The following RNF123 variants were observed in gnomAD, a reference collection of about 807,000 sequenced individuals.
RNF123 encodes the protein ring finger protein 123.
A neutral mutation model predicts 168.5 loss-of-function variants in RNF123; 86 were observed. The observed-to-expected ratio is 0.51, with a 90% CI of 0.43 to 0.61. RNF123 has a LOEUF of 0.61. RNF123 is among the 20% of genes least tolerant of loss of function. RNF123 has a pLI of 0.00. For missense variants in RNF123, 1,419 were observed against 1,729.7 expected (o/e 0.82, Z 3.19); for synonymous variants, 666 against 689.1 (o/e 0.97, Z 0.52).
rs377254073 is a variant in RNF123 at position 49,705,111 on chromosome 3, G to A, written c.2087G>A (p.Arg696Gln). 45 of 1,610,248 alleles carry A rather than the reference G, an allele frequency of 2.8e-5. No individual in the cohort carries two copies. The highest frequency in any genetic ancestry group is 1.3e-4 in the Admixed American group (8 of 59,538). The part of the protein sequence containing the change: ...STAAVSLMTP[R>Q]RPLSTSEKVK... ...GCGGCTGTGAGCCTCATGACCCCAC[G>A]GCGGCCTCTGAGCACCTCGGAGAAA... The change falls in exon 23 of 39, where the codon CGG becomes CAG. Residue 696 changes from arginine (R) to glutamine (Q), a missense_variant. This residue lies in a region of RNF123 where 538 missense variants were observed against 708.8 expected (regional missense o/e 0.76). Transcript: ENST00000327697.
At chr3:49,694,838 C>T (rs1335215501) in intron 3 of RNF123, among the ~76,000 whole-genome samples, 2 of 150,860 alleles carry the variant, frequency 1.3e-5, no homozygotes, top group Non-Finnish European at 3.0e-5. Context: ...TCATGTGATA[C>T]CAGAGATGGT....
At position 49,695,537 on chromosome 3, in the gene RNF123, G is replaced by A. The variant is rs562705810; in HGVS notation, c.168-1606G>A. On this transcript the variant is annotated intron_variant, in intron 3 of 38. Coordinates refer to ENST00000327697, the MANE Select transcript of RNF123 (RefSeq NM_022064.5). Reference sequence around the variant, plus strand: ...CCACCTGGCCTTGGCCTGGGACAGAGCAGCAGTGGGGAGGGGCCTTTGTGC... The same window carrying A: ...CCACCTGGCCTTGGCCTGGGACAGAACAGCAGTGGGGAGGGGCCTTTGTGC... 3.9e-5 allele frequency among the ~76,000 whole-genome samples: 6 copies of A among 152,364 alleles called. No homozygotes were observed. In the East Asian group the frequency reaches 1.2e-3, roughly 29 times the overall value.
In RNF123 at chr3:49,702,634, A is replaced by G. The variant is rs376203503; in HGVS notation, c.1631A>G (p.Asn544Ser). ...FLQENASGRGNMPMLCPPEYM... is the reference protein window; with the variant it reads ...FLQENASGRGSMPMLCPPEYM... ...ATGTTTCATGCCTGGTGTCCACAGA[A>G]CATGCCCATGCTCTGCCCCCCTGAG... Residue 544 changes from asparagine (N) to serine (S), a missense_variant and splice_region_variant, in exon 20 of 39, where the codon AAC becomes AGC. Physicochemically the swap from Asn to Ser is conservative, Grantham distance 46. Transcript: ENST00000327697. 8 of 1,614,112 alleles carry G rather than the reference A, an allele frequency of 5.0e-6. No homozygotes were observed. The highest frequency in any genetic ancestry group is 6.8e-6 in the Non-Finnish European group (8 of 1,180,032).
In RNF123 at chr3:49,700,641, T is replaced by C. The variant is rs751218312; in HGVS notation, c.1209T>C (p.His403=). Residue 403 remains histidine, a synonymous_variant, in exon 15 of 39, where the codon CAT becomes CAC. Coordinates refer to ENST00000327697, the MANE Select transcript of RNF123 (RefSeq NM_022064.5). ...TGAACGCCCCCTCTCCACAGATCCATTACCTGCGGCTCACTATCGCCATCC... is the reference window on the plus strand; with the variant it reads ...TGAACGCCCCCTCTCCACAGATCCACTACCTGCGGCTCACTATCGCCATCC... ...PIVPDLGLQI[H]YLRLTIAILR... 10 of 1,614,188 alleles carry C rather than the reference T, an allele frequency of 6.2e-6. No homozygotes were observed. Among genetic ancestry groups the C allele is most frequent in the Non-Finnish European group, 8.5e-6 (10 of 1,180,042 alleles).
In RNF123 at chr3:49,721,044, C is replaced by T. The variant is rs1338282138; in HGVS notation, c.3763C>T (p.Pro1255Ser). The change falls in exon 38 of 39, where the codon CCC (proline) becomes TCC (serine). Residue 1255 changes from proline to serine, a missense_variant. Pro to Ser is a moderately conservative substitution (Grantham distance 74). This residue lies in a region of RNF123 where 50 missense variants were observed against 77.2 expected (regional missense o/e 0.65). Coordinates refer to ENST00000327697, the MANE Select transcript of RNF123 (RefSeq NM_022064.5). ...SLPTSEEDLC[P>S]ICYAHPISAV... ...GCCCACCAGTGAGGAGGACCTCTGC[C>T]CCATCTGCTATGCCCACCCCATCTC... 4.3e-6 allele frequency: 7 copies of T among 1,613,274 alleles called. No individual in the cohort carries two copies. The highest frequency in any genetic ancestry group is 1.1e-5 in the South Asian group (1 of 90,982).
At chr3:49,719,560 G>A in intron 35 of RNF123, 1 of 1,115,766 alleles carries the variant, frequency 9.0e-7, no homozygotes, top group South Asian at 1.5e-5. Context: ...GGGTGGCACC[G>A]GATGGCCCTT....
At chr3:49,707,143 C>T (rs1482816658) in intron 26 of RNF123, among the ~76,000 whole-genome samples, 1 of 152,124 alleles carries the variant, frequency 6.6e-6, no homozygotes, top group Non-Finnish European at 1.5e-5. Flanking sequence ...GGAACAAACT[C>T]TGTCTGTCTG....
chr3:49,713,979 C>T lies in RNF123; in HGVS notation c.2907C>T (p.Ile969=). 1.2e-6 allele frequency: 2 copies of T among 1,614,096 alleles called. No homozygotes were observed. The highest frequency in any genetic ancestry group is 1.7e-5 in the Admixed American group (1 of 60,032). Residue 969 remains isoleucine, a synonymous_variant, in exon 30 of 39, where the codon ATC becomes ATT. Transcript: ENST00000327697. The part of the protein sequence containing the change: ...EQRPWAQTNW[I]LVRLWRGCGF... ...GGCCCTGGGCCCAGACCAACTGGATCCTGGTGCGGCTCTGGAGGGTAAGCC... is the reference window on the plus strand; with the variant it reads ...GGCCCTGGGCCCAGACCAACTGGATTCTGGTGCGGCTCTGGAGGGTAAGCC...
intron 5 of RNF123, 104 bp from the exon 6 acceptor site, chr3:49,697,781 G>GCAAATACCAC: frequency 7.0e-7 from 1 of 1,423,232 alleles, no homozygotes; most frequent in South Asian, 1.2e-5. Flanking sequence ...GCCGCCACAG[G>GCAAATACCAC]CAAATACCAC....
chr3:49,713,948 A>G lies in RNF123; in HGVS notation c.2876A>G (p.Glu959Gly), dbSNP rs757185839. 13 of 1,613,984 alleles carry G rather than the reference A, an allele frequency of 8.1e-6. No individual in the cohort carries two copies. Among genetic ancestry groups the G allele is most frequent in the Non-Finnish European group, 1.1e-5 (13 of 1,179,974 alleles). The change falls in exon 30 of 39, where the codon GAG becomes GGG. Residue 959 changes from glutamate to glycine, a missense_variant. Coordinates refer to ENST00000327697, the MANE Select transcript of RNF123 (RefSeq NM_022064.5). The stretch of plus-strand genomic sequence containing the variant: ...GTGAGGAACCTCCTGGCGCCCTATG[A>G]GCAGCGGCCCTGGGCCCAGACCAAC... ...AMVRNLLAPYEQRPWAQTNWI... is the reference protein window; with the variant it reads ...AMVRNLLAPYGQRPWAQTNWI...
chr3:49,706,937 G>A (rs373111628), intron 26 of RNF123, 39 bp downstream of exon 26: 5 of 1,565,826 alleles, frequency 3.2e-6, no homozygotes, highest in South Asian at 1.1e-5. Context: ...CGACCTCACT[G>A]TCTGGCCACG....
chr3:49,721,126 G>T, intron 38 of RNF123, 21 bp downstream of exon 38: 1 of 1,613,974 alleles, frequency 6.2e-7, no homozygotes, highest in South Asian at 1.1e-5. Context: ...CCCACAGCTT[G>T]GTGGTGGGGA....
chr3:49,698,239 A>G lies in RNF123; in HGVS notation c.483+102A>G, dbSNP rs2054307446. On this transcript the variant is annotated intron_variant, in intron 7 of 38. Coordinates refer to ENST00000327697, the MANE Select transcript of RNF123 (RefSeq NM_022064.5). ...TCCCCTCAGAACTGCCTAGGACCCTAACTAACCTGGACTGCCCTCTGGAGA... is the reference window on the plus strand; with the variant it reads ...TCCCCTCAGAACTGCCTAGGACCCTGACTAACCTGGACTGCCCTCTGGAGA... 4 of 1,139,694 alleles carry G rather than the reference A, an allele frequency of 3.5e-6. No individual in the cohort carries two copies. The South Asian group carries it at 5.5e-5, about 16-fold the overall frequency. The allele number at this position is 1,139,694 out of a possible 1,614,324, so 70.6% of individuals were successfully genotyped here. A position where few individuals can be genotyped will look rare whatever the true frequency, so the allele number is the denominator to read the frequency against.
rs1429135436 is a variant in RNF123 at position 49,699,276 on chromosome 3, T to C, written c.764+171T>C. Among the ~76,000 whole-genome samples the C allele has an allele frequency of 2.6e-5, 4 of 151,928 alleles. No homozygotes were observed. Among genetic ancestry groups the C allele is most frequent in the Non-Finnish European group, 4.4e-5 (3 of 67,938 alleles). ...AAAACTTTCCTCGCAGCAGCCTGGTTGGTTGGGTGCCCTTGTCTCCACTGA... is the reference window on the plus strand; with the variant it reads ...AAAACTTTCCTCGCAGCAGCCTGGTCGGTTGGGTGCCCTTGTCTCCACTGA... On this transcript the variant is annotated intron_variant, in intron 10 of 38. Coordinates refer to ENST00000327697, the MANE Select transcript of RNF123 (RefSeq NM_022064.5). The surrounding 1 kb of genome is among the most constrained non-coding windows in gnomAD (Gnocchi z 4.8).
chr3:49,691,354 T>C (rs2108171644), intron 2 of RNF123, 71 bp from the exon 3 acceptor site: 1 of 1,599,212 alleles, frequency 6.3e-7, no homozygotes, highest in East Asian at 2.2e-5. Flanking sequence ...ACCAGAAGTC[T>C]CTGGGGCCAG....
In RNF123 at chr3:49,715,813, G is replaced by A; in HGVS notation, c.3151-9G>A. On this transcript the variant is annotated splice_polypyrimidine_tract_variant and intron_variant, in intron 32 of 38. Coordinates refer to ENST00000327697, the MANE Select transcript of RNF123 (RefSeq NM_022064.5). ...CTGACCACTGCATGCCCACGTGTTG[G>A]TGGCTCAGATCCAGCAGGCTGCTGA... 3.1e-6 allele frequency: 5 copies of A among 1,613,976 alleles called. No individual in the cohort carries two copies. Among genetic ancestry groups the A allele is most frequent in the Non-Finnish European group, 4.2e-6 (5 of 1,179,926 alleles).
chr3:49,701,861 G>T lies in RNF123; in HGVS notation c.1446G>T (p.Arg482=), dbSNP rs757328104. 1.9e-6 allele frequency: 3 copies of T among 1,570,850 alleles called. No homozygotes were observed. The highest frequency in any genetic ancestry group is 2.6e-6 in the Non-Finnish European group (3 of 1,158,592). Residue 482 remains arginine, a synonymous_variant, in exon 17 of 39, where the codon CGG becomes CGT. Transcript: ENST00000327697. The part of the protein sequence containing the change: ...MKEETAEERL[R]RRAYERGCQR... ...AGGAGACCGCAGAGGAGCGGCTGCGGCGGCGAGCCTACGAACGGGGCTGTC... is the reference window on the plus strand; with the variant it reads ...AGGAGACCGCAGAGGAGCGGCTGCGTCGGCGAGCCTACGAACGGGGCTGTC...
chr3:49,705,206 A>G, intron 23 of RNF123, 24 bp downstream of exon 23: 1 of 1,576,902 alleles, frequency 6.3e-7, no homozygotes, highest in Non-Finnish European at 8.6e-7. Flanking sequence ...GGGGTCAGGC[A>G]GGTCCCCGAA....
chr3:49,701,349 G>A, intron 15 of RNF123, 142 bp from the exon 16 acceptor site: 1 of 705,640 alleles, frequency 1.4e-6, no homozygotes, highest in Non-Finnish European at 2.5e-6. Flanking sequence ...TGCCCTGGGG[G>A]TCAGACACAT....
Sources: allele counts gnomAD v4.1 joint callset (sites outside exome capture counted in the v4.1 genomes callset), GRCh38; gene constraint gnomAD v4.1.1; regional missense constraint gnomAD v4.1.1; non-coding constraint Gnocchi (gnomAD v3.1); transcripts MANE v1.5; gene names NCBI Gene and HGNC (gene_info 2026-07-23, HGNC 2026-07-21).